ELP4: variants seen among roughly 807,000 people sequenced by gnomAD.
The protein encoded by ELP4 is elongator acetyltransferase complex subunit 4, also known as elongator complex protein 4.
A neutral mutation model predicts 48.9 loss-of-function variants in ELP4; 51 were observed. That is an observed-to-expected ratio of 1.04 (90% CI 0.83 to 1.32). The LOEUF (loss-of-function observed/expected upper bound fraction) is 1.32, where lower values mean the gene tolerates loss of function less well. Ranked by LOEUF, ELP4 falls within the 40% of genes most tolerant of loss-of-function variation. The pLI, the probability that ELP4 is intolerant of heterozygous loss-of-function variation, is 0.00. For missense variants in ELP4, 519 were observed against 514.6 expected, an observed-to-expected ratio of 1.01 and a Z score of -0.08; for synonymous variants, 210 against 189.2, an observed-to-expected ratio of 1.11 and a Z score of -0.90.
intron 4 of ELP4, chr11:31,599,086 A>C (rs1957732266): frequency 6.6e-6 from 1 of 152,096 alleles, no homozygotes; most frequent in African/African-American, 2.4e-5. Context: ...ATGTGAGCTC[A>C]ATGAGAGAAA....
At chr11:31,559,893 C>T (rs1385953760) in intron 3 of ELP4, among the ~76,000 whole-genome samples, 2 of 114,312 alleles carry the variant, frequency 1.7e-5, no homozygotes, top group African/African-American at 7.7e-5. Context: ...GCAACAAGAG[C>T]AAAACTCCGT....
At chr11:31,721,846 G>C (rs1370144955) in intron 9 of ELP4, among the ~76,000 whole-genome samples, 1 of 152,108 alleles carries the variant, frequency 6.6e-6, no homozygotes, top group Non-Finnish European at 1.5e-5. Flanking sequence ...TTTTAGGCTT[G>C]ATCTTACCAT....
At chr11:31,774,664 T>C (rs1948209914) in intron 9 of ELP4, among the ~76,000 whole-genome samples, 1 of 152,226 alleles carries the variant, frequency 6.6e-6, no homozygotes, top group South Asian at 2.1e-4. Flanking sequence ...CCCTCCAAGC[T>C]ATCACAAGCA....
intron 3 of ELP4, among the ~76,000 whole-genome samples, chr11:31,566,314 C>T (rs774012864): frequency 3.3e-5 from 5 of 151,674 alleles, no homozygotes; most frequent in African/African-American, 4.8e-5. Flanking sequence ...GCCGAGATTG[C>T]GCCACTGCAC....
intron 5 of ELP4, among the ~76,000 whole-genome samples, chr11:31,622,706 A>G (rs1469769990): frequency 1.3e-5 from 2 of 151,662 alleles, no homozygotes; most frequent in African/African-American, 4.8e-5. Flanking sequence ...TAGAATATTG[A>G]TAAGCATGAG....
At chr11:31,585,888 CAGCCTGGGCAACAT>C (rs1214508498) in intron 3 of ELP4, among the ~76,000 whole-genome samples, 1 of 151,976 alleles carries the variant, frequency 6.6e-6, no homozygotes, top group Admixed American at 6.6e-5. Flanking sequence ...ATTTCAAGAC[CAGCCTGGGCAACAT>C]AGCAACACCC....
chr11:31,623,373 ATATATATATATATATAT>A (rs1944664445), intron 5 of ELP4, among the ~76,000 whole-genome samples: 7 of 109,850 alleles, frequency 6.4e-5, no homozygotes, highest in Non-Finnish European at 1.1e-4. Flanking sequence ...ATATATATAT[ATATATATATATATATAT>A]AAAACTAGAA....
chr11:31,537,439 A>C (rs1956519193), intron 2 of ELP4, among the ~76,000 whole-genome samples: 2 of 152,204 alleles, frequency 1.3e-5, no homozygotes, highest in South Asian at 4.1e-4. Flanking sequence ...TAAGTTTTCC[A>C]ACTGTGTTCT....
At chr11:31,691,814 T>G (rs920773707) in intron 9 of ELP4, among the ~76,000 whole-genome samples, 1 of 152,162 alleles carries the variant, frequency 6.6e-6, no homozygotes, top group African/African-American at 2.4e-5. Flanking sequence ...TAATTAGATA[T>G]CCCCAGATGA....
rs575973114 is a variant in ELP4, at chr11:31,632,111, T to A, written c.739-106T>A. 4 of 877,598 alleles carry A rather than the reference T, an allele frequency of 4.6e-6. No individual in the cohort carries two copies. The East Asian group carries it at 1.1e-4, about 23-fold the overall frequency. 54.4% of individuals were successfully genotyped at this position (877,598 alleles called of 1,614,324 possible). A position where few individuals can be genotyped will look rare whatever the true frequency, so the allele number is the denominator to read the frequency against. On this transcript the variant is annotated intron_variant, in intron 6 of 9. Coordinates refer to ENST00000640961, the MANE Select transcript of ELP4 (RefSeq NM_019040.5). The stretch of plus-strand genomic sequence containing the variant: ...ACATAAAAATTTTTAACACATCTAT[T>A]GACATTGTCTCCCTGATGTTATAAA...
intron 9 of ELP4, among the ~76,000 whole-genome samples, chr11:31,737,772 C>A (rs545305505): frequency 6.6e-6 from 1 of 152,222 alleles, no homozygotes; most frequent in African/African-American, 2.4e-5. Flanking sequence ...AAATCAAAAT[C>A]ATAATAAGAT....
In ELP4 at chr11:31,767,334, G is replaced by A. The variant is rs748495244; in HGVS notation, c.1144-16059G>A. On this transcript the variant is annotated intron_variant, in intron 9 of 9. Transcript: ENST00000640961. ...TGTGAGACAGGATTTAGCCGATTCGGTGTATGAAGTCATTGGCTCTTCTCT... is the reference window on the plus strand; with the variant it reads ...TGTGAGACAGGATTTAGCCGATTCGATGTATGAAGTCATTGGCTCTTCTCT... 3.3e-5 allele frequency: 5 copies of A among 151,660 alleles called. No homozygotes were observed. The Middle Eastern group carries it at 0.01, about 310-fold the overall frequency. The allele number at this position is 151,660 out of a possible 1,614,324, so 9.4% of individuals were successfully genotyped here.
intron 5 of ELP4, among the ~76,000 whole-genome samples, chr11:31,607,493 C>T (rs945873098): frequency 6.6e-6 from 1 of 152,158 alleles, no homozygotes; most frequent in South Asian, 2.1e-4. Context: ...GCAAGCTAGC[C>T]AAAATGCTGT....
chr11:31,714,792 A>G (rs1009246085), intron 9 of ELP4: 1 of 398,454 alleles, frequency 2.5e-6, no homozygotes, highest in South Asian at 1.3e-4. Flanking sequence ...TTGAGTCCTT[A>G]TGTTACCAAC....
At chr11:31,625,523 C>A (rs534704963) in intron 5 of ELP4, among the ~76,000 whole-genome samples, 5 of 151,822 alleles carry the variant, frequency 3.3e-5, no homozygotes, top group African/African-American at 1.2e-4. Context: ...AACTGAAGGA[C>A]ATTATGGCAA....
intron 9 of ELP4, among the ~76,000 whole-genome samples, chr11:31,690,579 A>G (rs1946257298): frequency 2.0e-5 from 3 of 152,142 alleles, no homozygotes; most frequent in African/African-American, 4.8e-5. Flanking sequence ...ACACTGAATT[A>G]GTTTACAAAG....
chr11:31,703,658 G>C (rs1218812258), intron 9 of ELP4, among the ~76,000 whole-genome samples: 1 of 152,152 alleles, frequency 6.6e-6, no homozygotes, highest in Admixed American at 6.6e-5. Context: ...TTACACCTTA[G>C]TTGTGATTAT....
chr11:31,563,460 G>A (rs938875076), intron 3 of ELP4, among the ~76,000 whole-genome samples: 1 of 152,120 alleles, frequency 6.6e-6, no homozygotes, highest in Non-Finnish European at 1.5e-5. Context: ...AAAGAGCTTG[G>A]AATGAAACGG....
intron 5 of ELP4, among the ~76,000 whole-genome samples, chr11:31,623,610 T>C (rs1317330529): frequency 6.6e-6 from 1 of 150,550 alleles, no homozygotes; most frequent in East Asian, 1.9e-4. Flanking sequence ...GAATTTATTT[T>C]ATTACTTATA....
Sources: allele counts gnomAD v4.1 joint callset (sites outside exome capture counted in the v4.1 genomes callset), GRCh38; gene constraint gnomAD v4.1.1; transcripts MANE v1.5; gene names NCBI Gene and HGNC (gene_info 2026-07-23, HGNC 2026-07-21).